Variants in ASIC2 observed in about 807,000 individuals in gnomAD.
ASIC2 encodes acid-sensing ion channel 2.
A neutral mutation model predicts 57.3 loss-of-function variants in ASIC2; 25 were observed. The observed-to-expected ratio is 0.44, with a 90% CI of 0.32 to 0.61. The LOEUF (loss-of-function observed/expected upper bound fraction) is 0.61. ASIC2 is among the 20% of genes least tolerant of loss of function. The pLI is 0.06. For missense variants in ASIC2, 641 were observed against 738.1 expected (o/e 0.87, Z 1.52); for synonymous variants, 319 against 307.5 (o/e 1.04, Z -0.39).
chr17:33,881,422 AC>A (rs1160189111), intron 1 of ASIC2, among the ~76,000 whole-genome samples: 1 of 152,254 alleles, frequency 6.6e-6, no homozygotes, highest in Non-Finnish European at 1.5e-5. Context: ...GTCTCAGGAT[AC>A]AAAATCAATG....
intron 1 of ASIC2, among the ~76,000 whole-genome samples, chr17:33,916,756 T>C (rs1915593691): frequency 6.6e-6 from 1 of 152,168 alleles, no homozygotes; most frequent in African/African-American, 2.4e-5. Context: ...AGCAAAGAGA[T>C]GCCACTAGCA....
At chr17:33,055,969 G>A (rs2091996367) in intron 3 of ASIC2, among the ~76,000 whole-genome samples, 2 of 152,176 alleles carry the variant, frequency 1.3e-5, no homozygotes, top group South Asian at 4.1e-4. Flanking sequence ...CCTAAGATTA[G>A]AATTCAGTTG....
At chr17:33,259,924 C>T (rs1909217745) in intron 1 of ASIC2, among the ~76,000 whole-genome samples, 2 of 152,018 alleles carry the variant, frequency 1.3e-5, no homozygotes, top group South Asian at 4.2e-4. Flanking sequence ...GTCCTGGGGC[C>T]CCGCTTTGAG....
intron 1 of ASIC2, among the ~76,000 whole-genome samples, chr17:33,218,818 C>T (rs1907594181): frequency 6.6e-6 from 1 of 152,146 alleles, no homozygotes; most frequent in Admixed American, 6.5e-5. Flanking sequence ...ACTCCTTCCA[C>T]TCTCCTCTCC....
chr17:33,317,595 C>T (rs529365293), intron 1 of ASIC2, among the ~76,000 whole-genome samples: 3 of 152,156 alleles, frequency 2.0e-5, no homozygotes, highest in East Asian at 1.9e-4. Context: ...AATAAAAAGT[C>T]GACAGATGTT....
At chr17:33,544,730 T>A (rs1252062181) in intron 1 of ASIC2, among the ~76,000 whole-genome samples, 1 of 152,182 alleles carries the variant, frequency 6.6e-6, no homozygotes, top group Non-Finnish European at 1.5e-5. Flanking sequence ...TTTTGCATAC[T>A]TATTAAAATA....
At chr17:33,586,061 G>A (rs922872558) in intron 1 of ASIC2, among the ~76,000 whole-genome samples, 1 of 152,182 alleles carries the variant, frequency 6.6e-6, no homozygotes, top group Non-Finnish European at 1.5e-5. Context: ...CCACCTCTAA[G>A]TTGTGCCAGT....
chr17:33,375,343 G>T (rs1909237476), intron 1 of ASIC2, among the ~76,000 whole-genome samples: 1 of 151,652 alleles, frequency 6.6e-6, no homozygotes, highest in African/African-American at 2.4e-5. Context: ...GGCAGGCCGT[G>T]CCTAGCATGT....
chr17:33,746,278 A>G (rs1410060904), intron 1 of ASIC2, among the ~76,000 whole-genome samples: 1 of 150,840 alleles, frequency 6.6e-6, no homozygotes, highest in Non-Finnish European at 1.5e-5. Flanking sequence ...ACATACGTGT[A>G]CATGTATATA....
chr17:33,103,929 A>G (rs1430281266), intron 2 of ASIC2, among the ~76,000 whole-genome samples: 1 of 151,802 alleles, frequency 6.6e-6, no homozygotes, highest in East Asian at 1.9e-4. Context: ...TAGACTTTTA[A>G]CTCTTCCTCC....
intron 1 of ASIC2, among the ~76,000 whole-genome samples, chr17:33,535,058 A>G (rs1915182912): frequency 6.6e-6 from 1 of 152,156 alleles, no homozygotes; most frequent in Non-Finnish European, 1.5e-5. Flanking sequence ...TGAGACTCAC[A>G]GTAGTTAAGC....
intron 1 of ASIC2, among the ~76,000 whole-genome samples, chr17:33,766,705 A>C (rs1910946521): frequency 6.6e-6 from 1 of 152,208 alleles, no homozygotes; most frequent in African/African-American, 2.4e-5. Context: ...AATCAGAAGA[A>C]AAATAACAGT....
chr17:33,236,890 T>A (rs991814158), intron 1 of ASIC2, among the ~76,000 whole-genome samples: 1 of 152,164 alleles, frequency 6.6e-6, no homozygotes, highest in Non-Finnish European at 1.5e-5. Flanking sequence ...AGAGGAAGCA[T>A]GAGTCTGCCA....
intron 1 of ASIC2, among the ~76,000 whole-genome samples, chr17:33,163,894 G>T (rs369692970): frequency 1.3e-5 from 2 of 152,168 alleles, no homozygotes; most frequent in Non-Finnish European, 2.9e-5. Context: ...TCTAAAGGGG[G>T]TGAAGGAGCA....
intron 1 of ASIC2, among the ~76,000 whole-genome samples, chr17:33,299,043 C>T (rs1262011222): frequency 1.3e-5 from 2 of 152,178 alleles, no homozygotes; most frequent in African/African-American, 4.8e-5. Context: ...CAATGCCATC[C>T]ACATCAAGCT....
rs566789152 is a variant in ASIC2, at chr17:33,277,779, T to G, written c.708+13629A>C. ...TTCCTCCTGCTGCAGTTTTTTCCCA[T>G]TCACTTGGAGTTATTTTTTGAAGGA... On this transcript the variant is annotated intron_variant, in intron 1 of 9. Transcript: ENST00000225823. 7.2e-5 allele frequency among the ~76,000 whole-genome samples: 11 copies of G among 152,318 alleles called. No homozygotes were observed. In the South Asian group the frequency reaches 1.2e-3, roughly 17 times the overall value.
chr17:33,392,196 C>CTCCTTCCTTCCTTCCTTCCTTCCT (rs377322524), intron 1 of ASIC2, among the ~76,000 whole-genome samples: 1 of 37,792 alleles, frequency 2.6e-5, no homozygotes, highest in African/African-American at 1.1e-4. Flanking sequence ...CCTTCCTTCC[C>CTCCTTCCTTCCTTCCTTCCTTCCT]TCCTTCCTTC....
intron 1 of ASIC2, among the ~76,000 whole-genome samples, chr17:33,501,959 G>A (rs1338924965): frequency 6.6e-6 from 1 of 152,144 alleles, no homozygotes; most frequent in Non-Finnish European, 1.5e-5. Context: ...ATCAACACTG[G>A]GGAAGCCTGG....
rs375059099 is a variant in ASIC2, at chr17:33,742,792, C to T, written c.555+413186G>A. On this transcript the variant is annotated intron_variant, in intron 1 of 9. Coordinates refer to the ASIC2 transcript ENST00000359872. ...TTTGACCAGATGGTGATGTAAATCA[C>T]CCTGTCTACCACTGCCTCACGTCCC... Among the ~76,000 whole-genome samples, 122 of 152,282 alleles carry T rather than the reference C, an allele frequency of 8.0e-4. 2 individuals carry two copies. The South Asian group carries it at 0.025, about 31-fold the overall frequency.
Sources: allele counts gnomAD v4.1 joint callset (sites outside exome capture counted in the v4.1 genomes callset), GRCh38; gene constraint gnomAD v4.1.1; transcripts MANE v1.5; gene names NCBI Gene and HGNC (gene_info 2026-07-23, HGNC 2026-07-21).